PLA2G5: variants seen among roughly 807,000 people sequenced by gnomAD.
PLA2G5 encodes the protein phospholipase A2 group V, also known as Ca2+-dependent phospholipase A2.
PLA2G5 carries 12 observed loss-of-function variants against 15.9 expected under a neutral mutation model. The observed-to-expected ratio is 0.76, with a 90% CI of 0.48 to 1.23. The LOEUF (loss-of-function observed/expected upper bound fraction) is 1.23. Ranked by LOEUF, PLA2G5 falls within the 50% of genes most tolerant of loss-of-function variation. The probability of loss-of-function intolerance (pLI) is 0.00; values close to 1 mark genes in which losing one functional copy is unlikely to be tolerated. For missense variants in PLA2G5, 169 were observed against 177.1 expected, an observed-to-expected ratio of 0.95 and a Z score of 0.26; for synonymous variants, 71 against 71.4, an observed-to-expected ratio of 0.99 and a Z score of 0.03.
intron 1 of PLA2G5, among the ~76,000 whole-genome samples, chr1:20,034,677 G>C (rs2013153229): frequency 1.3e-5 from 2 of 152,152 alleles, no homozygotes; most frequent in Admixed American, 6.5e-5. Context: ...AGGGGTTTTG[G>C]AGAGTTATTT....
At chr1:20,077,357 T>C (rs879915964) in intron 1 of PLA2G5, among the ~76,000 whole-genome samples, 12 of 152,204 alleles carry the variant, frequency 7.9e-5, no homozygotes, top group Admixed American at 5.9e-4. Context: ...ACTCTATCTA[T>C]CATCTGTCTA....
intron 1 of PLA2G5, among the ~76,000 whole-genome samples, chr1:20,032,105 G>A (rs1457808855): frequency 6.6e-6 from 1 of 152,154 alleles, no homozygotes; most frequent in Non-Finnish European, 1.5e-5. Flanking sequence ...TGAAGTTCAG[G>A]CCATCTTAAC....
Position 20,089,789 on chromosome 1 carries a change from G to C in PLA2G5, c.186G>C (p.Trp62Cys), listed in dbSNP as rs748955612. The C allele has an allele frequency of 3.1e-6, 5 of 1,613,480 alleles. No homozygotes were observed. The highest frequency in any genetic ancestry group is 8.5e-7 in the Non-Finnish European group (1 of 1,179,432). ...GGATCTAAGTCTCTTGCACGGACAG[G>C]TGCTGTTGGGCGCATGACCACTGCT... Reference protein sequence around the residue: ...GRGTPKDGTDWCCWAHDHCYG... With the variant: ...GRGTPKDGTDCCCWAHDHCYG... Residue 62 changes from tryptophan to cysteine, a missense_variant and splice_region_variant, in exon 4 of 5, where the codon TGG becomes TGC. Physicochemically the swap from Trp to Cys is radical, Grantham distance 215 (BLOSUM62 -2). Coordinates refer to ENST00000375108, the MANE Select transcript of PLA2G5 (RefSeq NM_000929.3).
intron 2 of PLA2G5, chr1:20,059,782 G>A (rs2014615959): frequency 1.3e-5 from 2 of 152,344 alleles, no homozygotes; most frequent in South Asian, 4.1e-4. Flanking sequence ...AAAGAGGCAG[G>A]ACGTAAAGCA....
intron 1 of PLA2G5, among the ~76,000 whole-genome samples, chr1:20,049,001 C>T (rs2014050573): frequency 6.6e-6 from 1 of 151,576 alleles, no homozygotes; most frequent in African/African-American, 2.4e-5. Flanking sequence ...CAATTTTTGT[C>T]GAATTCAAAG....
intron 1 of PLA2G5, among the ~76,000 whole-genome samples, chr1:20,041,318 C>T (rs2013584646): frequency 6.6e-6 from 1 of 152,134 alleles, no homozygotes; most frequent in African/African-American, 2.4e-5. Flanking sequence ...ACCAAACAGA[C>T]TTTGTGTGAG....
At chr1:20,075,868 C>CTTTTTTT (rs534879331) in intron 1 of PLA2G5, among the ~76,000 whole-genome samples, 2 of 121,778 alleles carry the variant, frequency 1.6e-5, no homozygotes, top group African/African-American at 3.1e-5. Flanking sequence ...ATTTCTTTCT[C>CTTTTTTT]TTTTTTTTTT....
rs1271771281 is a variant in PLA2G5 at position 20,086,315 on chromosome 1, G to A, written c.185+88G>A. On this transcript the variant is annotated intron_variant, in intron 3 of 4. Transcript: ENST00000375108. Reference sequence around the variant, plus strand: ...ATTCCATATCAGTTCTGGAAGATGAGTATTAAAGTACCATTTTACAAATAA... The same window carrying A: ...ATTCCATATCAGTTCTGGAAGATGAATATTAAAGTACCATTTTACAAATAA... 2.2e-6 allele frequency: 3 copies of A among 1,360,012 alleles called. No individual in the cohort carries two copies. In the Admixed American group the frequency reaches 6.5e-5, roughly 29 times the overall value. 84.2% of individuals were successfully genotyped at this position (1,360,012 alleles called of 1,614,324 possible). A position where few individuals can be genotyped will look rare whatever the true frequency, so the allele number is the denominator to read the frequency against.
chr1:20,030,815 C>T (rs111603019), intron 1 of PLA2G5, among the ~76,000 whole-genome samples: 11,907 of 152,270 alleles, frequency 0.078, 645 homozygotes, highest in African/African-American at 0.15. Context: ...TAACAAAGGA[C>T]ATCCTGCACA....
intron 1 of PLA2G5, among the ~76,000 whole-genome samples, chr1:20,044,518 A>C (rs1246436223): frequency 6.6e-6 from 1 of 152,208 alleles, no homozygotes; most frequent in East Asian, 1.9e-4. Flanking sequence ...GTTGCCAAAC[A>C]AGCCATGGAC....
At chr1:20,048,651 C>T (rs1411005949) in intron 1 of PLA2G5, among the ~76,000 whole-genome samples, 2 of 152,104 alleles carry the variant, frequency 1.3e-5, no homozygotes, top group South Asian at 2.1e-4. Context: ...TTGGCCTATG[C>T]CCAGGTATGA....
Position 20,090,765 on chromosome 1 carries a change from C to G in PLA2G5, c.*73C>G. 2.6e-6 allele frequency: 4 copies of G among 1,512,126 alleles called. No homozygotes were observed. Among genetic ancestry groups the G allele is most frequent in the African/African-American group, 1.4e-5 (1 of 72,934 alleles). 93.7% of individuals were successfully genotyped at this position (1,512,126 alleles called of 1,614,324 possible). A position where few individuals can be genotyped will look rare whatever the true frequency, so the allele number is the denominator to read the frequency against. ...CTACAACACAGAGTACTGACTCTGC[C>G]TGGTTCCTGAGAGAGGCTCCTAAGT... On this transcript the variant is annotated 3_prime_UTR_variant, in exon 5 of 5. Transcript: ENST00000375108.
chr1:20,058,643 C>G (rs1051255631), intron 1 of PLA2G5, among the ~76,000 whole-genome samples: 4 of 152,060 alleles, frequency 2.6e-5, no homozygotes, highest in Middle Eastern at 3.2e-3. Context: ...GATTTAATGG[C>G]TGAGTGAGTC....
chr1:20,031,976 G>A (rs1011912352), intron 1 of PLA2G5, among the ~76,000 whole-genome samples: 2 of 152,062 alleles, frequency 1.3e-5, no homozygotes, highest in African/African-American at 4.8e-5. Context: ...GTATAGAAGG[G>A]GGAGGAGAAA....
At chr1:20,059,120 CAAAA>C (rs34667227) in intron 1 of PLA2G5, among the ~76,000 whole-genome samples, 3 of 83,136 alleles carry the variant, frequency 3.6e-5, no homozygotes, top group African/African-American at 9.0e-5. Flanking sequence ...GAGACTGTCT[CAAAA>C]AAAAAAAAAA....
chr1:20,072,460 A>C (rs1476207076), intron 1 of PLA2G5, among the ~76,000 whole-genome samples: 2 of 152,190 alleles, frequency 1.3e-5, no homozygotes, highest in Admixed American at 1.3e-4. Flanking sequence ...AAGGGAGGGA[A>C]TAACAGATGA....
chr1:20,088,281 T>C (rs555537640), intron 3 of PLA2G5, among the ~76,000 whole-genome samples: 3 of 151,360 alleles, frequency 2.0e-5, no homozygotes, highest in East Asian at 2.0e-4. Context: ...CACTTGAACC[T>C]GGGAGGCAGA....
chr1:20,041,639 G>T lies in PLA2G5; in HGVS notation n.276+12930G>T, dbSNP rs542239584. On this transcript the variant is annotated intron_variant and non_coding_transcript_variant, in intron 1 of 6. Coordinates refer to the PLA2G5 transcript ENST00000460175. ...TTTCCATGATGGAAAGGAAATGAGAGGTTCTAAGAGACAGGCTAGTGGCTT... is the reference window on the plus strand; with the variant it reads ...TTTCCATGATGGAAAGGAAATGAGATGTTCTAAGAGACAGGCTAGTGGCTT... Among the ~76,000 whole-genome samples the T allele has an allele frequency of 5.9e-5, 9 of 152,268 alleles. No individual in the cohort carries two copies. The South Asian group carries it at 1.9e-3, about 32-fold the overall frequency.
intron 1 of PLA2G5, among the ~76,000 whole-genome samples, chr1:20,055,676 T>G (rs1167732987): frequency 6.6e-6 from 1 of 152,232 alleles, no homozygotes; most frequent in Non-Finnish European, 1.5e-5. Context: ...GACCCAGTGC[T>G]TTGGGACTAG....
Sources: gnomAD v4.1 joint callset for allele counts (sites outside exome capture counted in the v4.1 genomes callset) on GRCh38, gnomAD v4.1.1 for gene constraint, MANE v1.5 for transcripts, NCBI Gene and HGNC (gene_info 2026-07-23, HGNC 2026-07-21) for gene names.